Variants in GRM3 observed in about 807,000 individuals in gnomAD.
GRM3 encodes the protein glutamate metabotropic receptor 3, also known as metabotropic glutamate receptor 3.
Under a neutral mutation model 70.5 loss-of-function variants are expected in GRM3, and 26 were observed. That is an observed-to-expected ratio of 0.37 (90% CI 0.27 to 0.51). The LOEUF is 0.51. Among genes scored for constraint, GRM3 ranks in the 20% least tolerant of loss-of-function variants. The pLI, the probability that GRM3 is intolerant of heterozygous loss-of-function variation, is 0.93. For missense variants in GRM3, 859 were observed against 1,123.8 expected (o/e 0.76, Z 3.37); for synonymous variants, 443 against 434.9 (o/e 1.02, Z -0.23).
chr7:86,670,254 A>G (rs553435878), intron 1 of GRM3, among the ~76,000 whole-genome samples: 110 of 152,312 alleles, frequency 7.2e-4, no homozygotes, highest in Middle Eastern at 6.8e-3. Flanking sequence ...ATATTCACAA[A>G]AGAGTTCATA....
At chr7:86,819,369 C>A (rs2116679719) in intron 3 of GRM3, among the ~76,000 whole-genome samples, 1 of 152,162 alleles carries the variant, frequency 6.6e-6, no homozygotes, top group Admixed American at 6.6e-5. Flanking sequence ...TACATTTATT[C>A]CAATTGATGT....
intron 1 of GRM3, among the ~76,000 whole-genome samples, chr7:86,746,341 TTATA>T (rs59930404): frequency 0.21 from 18,157 of 87,314 alleles, 1,775 homozygotes; most frequent in Non-Finnish European, 0.25. Context: ...CAGTCATGTA[TTATA>T]TATATATATA....
intron 1 of GRM3, among the ~76,000 whole-genome samples, chr7:86,709,412 A>G (rs949453088): frequency 6.6e-6 from 1 of 152,062 alleles, no homozygotes; most frequent in Non-Finnish European, 1.5e-5. Context: ...CTGCACCCTC[A>G]TTCTAATGGC....
intron 1 of GRM3, among the ~76,000 whole-genome samples, chr7:86,675,300 C>G (rs967098917): frequency 3.3e-5 from 5 of 151,982 alleles, no homozygotes; most frequent in African/African-American, 1.2e-4. Flanking sequence ...CAGGACATCC[C>G]CCATAGGAGG....
At chr7:86,719,400 TA>T (rs1318622488) in intron 1 of GRM3, among the ~76,000 whole-genome samples, 1 of 151,948 alleles carries the variant, frequency 6.6e-6, no homozygotes, top group Admixed American at 6.6e-5. Context: ...ACCAGGCATA[TA>T]AAGATAAGTC....
At chr7:86,747,102 T>C (rs1484488144) in intron 1 of GRM3, among the ~76,000 whole-genome samples, 1 of 152,088 alleles carries the variant, frequency 6.6e-6, no homozygotes, top group African/African-American at 2.4e-5. Flanking sequence ...TTCCCTTCCA[T>C]ATGTAAGTGT....
At chr7:86,808,186 G>A (rs1243171477) in intron 3 of GRM3, among the ~76,000 whole-genome samples, 3 of 152,104 alleles carry the variant, frequency 2.0e-5, no homozygotes, top group African/African-American at 7.2e-5. Flanking sequence ...TGTTCATCAG[G>A]GATATTGGTC....
intron 1 of GRM3, among the ~76,000 whole-genome samples, chr7:86,735,681 G>A (rs555750692): frequency 3.9e-5 from 6 of 152,120 alleles, no homozygotes; most frequent in Non-Finnish European, 8.8e-5. Context: ...ATACAACTAC[G>A]AGTGGATGAA....
chr7:86,853,308 A>G (rs1173171432), intron 5 of GRM3, among the ~76,000 whole-genome samples: 1 of 152,222 alleles, frequency 6.6e-6, no homozygotes, highest in African/African-American at 2.4e-5. Flanking sequence ...TATAGATCAC[A>G]ATCAAAGATG....
chr7:86,775,347 T>C (rs1217566936), intron 2 of GRM3: 1 of 152,070 alleles, frequency 6.6e-6, no homozygotes, highest in Non-Finnish European at 1.5e-5. Context: ...TAAAATAGTT[T>C]CAAGTAGGCT....
chr7:86,689,640 G>GA (rs1252086181), intron 1 of GRM3, among the ~76,000 whole-genome samples: 1 of 151,818 alleles, frequency 6.6e-6, no homozygotes, highest in South Asian at 2.1e-4. Flanking sequence ...AATAGAATTG[G>GA]AAAAAAATAT....
chr7:86,862,782 C>A (rs1424849215), intron 5 of GRM3, among the ~76,000 whole-genome samples: 3 of 152,086 alleles, frequency 2.0e-5, no homozygotes, highest in African/African-American at 7.2e-5. Context: ...AGTGAATGCT[C>A]CCCCACTGAA....
intron 1 of GRM3, among the ~76,000 whole-genome samples, chr7:86,718,446 TTGAAAGGATACTCTGCC>T (rs1426419817): frequency 1.3e-5 from 2 of 152,134 alleles, no homozygotes; most frequent in East Asian, 3.9e-4. Context: ...AAGGCAGGAT[TTGAAAGGATACTCTGCC>T]TTTTCTTGGT....
At chr7:86,662,876 A>C (rs1363700824) in intron 1 of GRM3, among the ~76,000 whole-genome samples, 1 of 151,684 alleles carries the variant, frequency 6.6e-6, no homozygotes, top group Non-Finnish European at 1.5e-5. Flanking sequence ...ATGAATTTTT[A>C]AAATGAACTT....
At chr7:86,859,143 A>G (rs1798907083) in intron 5 of GRM3, among the ~76,000 whole-genome samples, 2 of 152,070 alleles carry the variant, frequency 1.3e-5, no homozygotes, top group Non-Finnish European at 2.9e-5. Context: ...ATTTTTTTAG[A>G]GATGGGGTCT....
At chr7:86,669,273 T>C (rs984072812) in intron 1 of GRM3, among the ~76,000 whole-genome samples, 3 of 152,168 alleles carry the variant, frequency 2.0e-5, no homozygotes, top group Non-Finnish European at 1.5e-5. Context: ...GTCATCAGTA[T>C]TTTTCAAATC....
In GRM3 at chr7:86,674,666, G is replaced by A. The variant is rs377120848; in HGVS notation, c.-141+29794G>A. 2.5e-3 allele frequency among the ~76,000 whole-genome samples: 377 copies of A among 152,182 alleles called. 14 individuals carry two copies. In the South Asian group the frequency reaches 0.074, roughly 30 times the overall value. ...CCCATTATGCACAGCTACAGTCACA[G>A]TTTCTTTACATAGCTTACAAGACTC... On this transcript the variant is annotated intron_variant, in intron 1 of 5. Transcript: ENST00000361669.
At chr7:86,776,783 G>A (rs1427678124) in intron 2 of GRM3, among the ~76,000 whole-genome samples, 1 of 152,188 alleles carries the variant, frequency 6.6e-6, no homozygotes, top group African/African-American at 2.4e-5. Context: ...GTTTCTAACA[G>A]GTCTTTTGAT....
intron 1 of GRM3, among the ~76,000 whole-genome samples, chr7:86,730,317 G>A (rs1795700257): frequency 6.6e-6 from 1 of 151,990 alleles, no homozygotes; most frequent in South Asian, 2.1e-4. Flanking sequence ...CTACTCAGAA[G>A]GCTGAGACAG....
Sources: allele counts gnomAD v4.1 joint callset (sites outside exome capture counted in the v4.1 genomes callset), GRCh38; gene constraint gnomAD v4.1.1; transcripts MANE v1.5; gene names NCBI Gene and HGNC (gene_info 2026-07-23, HGNC 2026-07-21).